TRABD2B: variants seen among roughly 807,000 people sequenced by gnomAD.
The protein encoded by TRABD2B is TraB domain containing 2B.
In TRABD2B, 14 loss-of-function variants were observed where a neutral mutation model predicts 40.1. That is an observed-to-expected ratio of 0.35 (90% confidence interval 0.23 to 0.55). The LOEUF (loss-of-function observed/expected upper bound fraction) is 0.55, where lower values mean the gene tolerates loss of function less well. Among genes scored for constraint, TRABD2B ranks in the 20% least tolerant of loss-of-function variants. The pLI, the probability that TRABD2B is intolerant of heterozygous loss-of-function variation, is 0.90. For missense variants in TRABD2B, 541 were observed against 648.6 expected (o/e 0.83, Z 1.80); for synonymous variants, 263 against 277.0 (o/e 0.95, Z 0.50).
At chr1:47,830,639 A>C (rs1645236007) in intron 2 of TRABD2B, among the ~76,000 whole-genome samples, 1 of 152,208 alleles carries the variant, frequency 6.6e-6, no homozygotes, top group Admixed American at 6.5e-5. Flanking sequence ...ATATAGGATG[A>C]CGGATATTAT....
At chr1:47,794,098 C>T (rs1294313716) in intron 4 of TRABD2B, among the ~76,000 whole-genome samples, 1 of 152,230 alleles carries the variant, frequency 6.6e-6, no homozygotes, top group Non-Finnish European at 1.5e-5. Context: ...ATAGTTATTG[C>T]TATCACTGCC....
In TRABD2B at chr1:47,842,615, A is replaced by C. The variant is rs111800083; in HGVS notation, c.667-40996T>G. Among the ~76,000 whole-genome samples the C allele has an allele frequency of 7.2e-5, 11 of 152,330 alleles. 3 individuals carry two copies. The highest frequency in any genetic ancestry group is 2.6e-4 in the African/African-American group (11 of 41,576). On this transcript the variant is annotated intron_variant, in intron 2 of 6. Coordinates refer to ENST00000606738, the MANE Select transcript of TRABD2B (RefSeq NM_001194986.2). The stretch of plus-strand genomic sequence containing the variant: ...GCAGCCAGGACTAGATTCAGTCCCC[A>C]GTGTGGGCACTCACTTGGGCAAGTG...
At chr1:47,831,022 G>A (rs1365825971) in intron 2 of TRABD2B, among the ~76,000 whole-genome samples, 2 of 152,150 alleles carry the variant, frequency 1.3e-5, no homozygotes, top group East Asian at 1.9e-4. Flanking sequence ...CAGGGGGCCC[G>A]ACTGAGCCAC....
At chr1:47,800,066 C>T (rs1235168677) in intron 3 of TRABD2B, among the ~76,000 whole-genome samples, 1 of 152,164 alleles carries the variant, frequency 6.6e-6, no homozygotes, top group Non-Finnish European at 1.5e-5. Context: ...TTTACTGAGT[C>T]CAGCTCTGGG....
intron 2 of TRABD2B, among the ~76,000 whole-genome samples, chr1:47,850,403 T>C (rs762534046): frequency 9.9e-5 from 15 of 152,248 alleles, no homozygotes; most frequent in Non-Finnish European, 1.9e-4. Context: ...TAACACCATA[T>C]GGAAGCTTGG....
intron 2 of TRABD2B, among the ~76,000 whole-genome samples, chr1:47,984,633 T>G (rs781696127): frequency 8.5e-5 from 13 of 152,128 alleles, no homozygotes; most frequent in Non-Finnish European, 1.9e-4. Flanking sequence ...AATGCACAAC[T>G]CGCGCCCCGT....
rs946505120 is a variant in TRABD2B at position 47,993,946 on chromosome 1, C to T, written c.666+88G>A. 20 of 1,348,332 alleles carry T rather than the reference C, an allele frequency of 1.5e-5. No homozygotes were observed. In the African/African-American group the frequency reaches 2.8e-4, roughly 19 times the overall value. The allele number at this position is 1,348,332 out of a possible 1,614,324, so 83.5% of individuals were successfully genotyped here. A position where few individuals can be genotyped will look rare whatever the true frequency, so the allele number is the denominator to read the frequency against. ...AAAGGACCTGACTCTGGCTGCCTCC[C>T]CCTCCCCCTCGGAGAAGAAAGACAA... is the stretch of plus-strand genomic sequence containing the variant. On this transcript the variant is annotated intron_variant, in intron 2 of 6. Coordinates refer to ENST00000606738, the MANE Select transcript of TRABD2B (RefSeq NM_001194986.2).
chr1:47,769,470 T>C (rs1173121167), intron 6 of TRABD2B, among the ~76,000 whole-genome samples: 1 of 152,192 alleles, frequency 6.6e-6, no homozygotes, highest in South Asian at 2.1e-4. Context: ...GGGCTTTTTA[T>C]TGCTTGGCAG....
chr1:47,777,103 C>G (rs1249165146), intron 5 of TRABD2B, among the ~76,000 whole-genome samples: 1 of 152,168 alleles, frequency 6.6e-6, no homozygotes, highest in Non-Finnish European at 1.5e-5. Context: ...TGCCTGGGCT[C>G]TGAGATGAAT....
intron 2 of TRABD2B, among the ~76,000 whole-genome samples, chr1:47,816,561 C>T (rs1645035134): frequency 6.6e-6 from 1 of 152,134 alleles, no homozygotes; most frequent in African/African-American, 2.4e-5. Context: ...TATGCCATTC[C>T]CATCATCTCT....
intron 2 of TRABD2B, among the ~76,000 whole-genome samples, chr1:47,958,164 G>C (rs1393859079): frequency 6.7e-6 from 1 of 149,496 alleles, no homozygotes. Context: ...AATGCTGAGA[G>C]ATTTTGTCAC....
intron 2 of TRABD2B, among the ~76,000 whole-genome samples, chr1:47,986,480 T>C (rs1046405482): frequency 1.3e-5 from 2 of 152,156 alleles, no homozygotes; most frequent in African/African-American, 4.8e-5. Context: ...GAGAAAAGAC[T>C]GCCTGAGAAA....
intron 2 of TRABD2B, among the ~76,000 whole-genome samples, chr1:47,926,331 T>C (rs1396621137): frequency 6.6e-6 from 1 of 152,200 alleles, no homozygotes; most frequent in African/African-American, 2.4e-5. Context: ...ACGGCTCCAA[T>C]AGTGCGTTCT....
intron 4 of TRABD2B, among the ~76,000 whole-genome samples, chr1:47,784,473 A>G (rs1644568414): frequency 2.0e-5 from 3 of 152,192 alleles, no homozygotes; most frequent in African/African-American, 7.2e-5. Context: ...CCAAAGCAGC[A>G]CTGGCTCCCC....
intron 2 of TRABD2B, among the ~76,000 whole-genome samples, chr1:47,959,507 TA>T (rs994682252): frequency 2.6e-5 from 4 of 151,730 alleles, no homozygotes; most frequent in East Asian, 3.9e-4. Context: ...ATAGATGCAA[TA>T]AAAAAATGAT....
In TRABD2B at chr1:47,996,618, C is replaced by A. The variant is rs1646095986; in HGVS notation, c.102+70G>T. 3.3e-6 allele frequency: 4 copies of A among 1,210,640 alleles called. No homozygotes were observed. The highest frequency in any genetic ancestry group is 3.3e-5 in the East Asian group (1 of 29,946). The allele number at this position is 1,210,640 out of a possible 1,614,324, so 75.0% of individuals were successfully genotyped here. ...GCTAAGGTGGGTGCGGAAGCAGGAC[C>A]CAAACCATGGTCCCACGGGACTAGA... is the stretch of plus-strand genomic sequence containing the variant. On this transcript the variant is annotated intron_variant, in intron 1 of 6. Transcript: ENST00000606738. The surrounding 1 kb of genome is among the most constrained non-coding windows in gnomAD (Gnocchi z 4.6).
intron 2 of TRABD2B, among the ~76,000 whole-genome samples, chr1:47,812,708 G>A (rs555825902): frequency 2.0e-4 from 30 of 152,312 alleles, no homozygotes; most frequent in African/African-American, 7.0e-4. Context: ...AACAGAGTGA[G>A]ATTCTGTCTC....
chr1:47,959,987 C>A (rs1322833844), intron 2 of TRABD2B, among the ~76,000 whole-genome samples: 1 of 152,152 alleles, frequency 6.6e-6, no homozygotes, highest in East Asian at 1.9e-4. Context: ...AAACCGAATC[C>A]AGCAGCATAT....
At chr1:47,990,446 C>T (rs1221685849) in intron 2 of TRABD2B, among the ~76,000 whole-genome samples, 1 of 152,058 alleles carries the variant, frequency 6.6e-6, no homozygotes, top group Non-Finnish European at 1.5e-5. Context: ...CCCCCAAGGG[C>T]AGGGGCTCAC....
Sources: gnomAD v4.1 joint callset for allele counts (sites outside exome capture counted in the v4.1 genomes callset) on GRCh38, gnomAD v4.1.1 for gene constraint, Gnocchi (gnomAD v3.1) non-coding constraint, MANE v1.5 for transcripts, NCBI Gene and HGNC (gene_info 2026-07-23, HGNC 2026-07-21) for gene names.